Variants in IL1RAPL1 observed in about 807,000 individuals in gnomAD.
IL1RAPL1 encodes the protein interleukin-1 receptor accessory protein-like 1.
A neutral mutation model predicts 48.4 loss-of-function variants in IL1RAPL1; 3 were observed. The observed-to-expected ratio is 0.06, with a 90% CI of 0.03 to 0.16. The LOEUF (loss-of-function observed/expected upper bound fraction) is 0.16, where lower values mean the gene tolerates loss of function less well. IL1RAPL1 is among the 10% of genes least tolerant of loss of function. The probability of loss-of-function intolerance (pLI) is 1.00; values close to 1 mark genes in which losing one functional copy is unlikely to be tolerated. For missense variants in IL1RAPL1, 349 were observed against 530.6 expected (o/e 0.66, Z 3.36); for synonymous variants, 185 against 187.7 (o/e 0.99, Z 0.12).
intron 5 of IL1RAPL1, among the ~76,000 whole-genome samples, chrX:29,539,148 C>T (rs535017598): frequency 9.0e-6 from 1 of 111,396 alleles, no homozygotes; most frequent in East Asian, 2.8e-4. Flanking sequence ...CTAATATAGA[C>T]GCAGAAATCC....
At chrX:29,003,163 G>A (rs1303564105) in intron 2 of IL1RAPL1, among the ~76,000 whole-genome samples, 2 of 111,775 alleles carry the variant, frequency 1.8e-5, no homozygotes, top group Admixed American at 9.5e-5. Context: ...TGCTTGCTAT[G>A]TGCAAAACAA....
intron 6 of IL1RAPL1, among the ~76,000 whole-genome samples, chrX:29,866,220 C>T (rs1931693213): frequency 9.0e-6 from 1 of 111,331 alleles, no homozygotes; most frequent in Non-Finnish European, 1.9e-5. Context: ...TTACCTAATA[C>T]GTCATTCATT....
intron 2 of IL1RAPL1, among the ~76,000 whole-genome samples, chrX:29,180,767 TC>T (rs1008464835): frequency 5.4e-5 from 6 of 111,892 alleles, no homozygotes; most frequent in African/African-American, 2.0e-4. Context: ...TATCAGTTGA[TC>T]CTCATGACCT....
intron 2 of IL1RAPL1, among the ~76,000 whole-genome samples, chrX:29,006,510 G>A (rs1334436450): frequency 2.9e-5 from 3 of 103,457 alleles, no homozygotes; most frequent in Non-Finnish European, 3.9e-5. Flanking sequence ...GCAAAACGCC[G>A]TCTGGAAAAA....
At chrX:29,544,176 T>C (rs1921532583) in intron 5 of IL1RAPL1, among the ~76,000 whole-genome samples, 1 of 111,795 alleles carries the variant, frequency 8.9e-6, no homozygotes, top group South Asian at 3.7e-4. Context: ...TTAAAATCTA[T>C]CCCTGCCAAA....
chrX:29,906,491 A>T (rs866271218), intron 6 of IL1RAPL1, among the ~76,000 whole-genome samples: 6 of 42,825 alleles, frequency 1.4e-4, no homozygotes, highest in African/African-American at 4.2e-4. Context: ...ATATATATAT[A>T]TATATATATA....
At chrX:29,950,786 C>T (rs1035121174) in intron 9 of IL1RAPL1, among the ~76,000 whole-genome samples, 12 of 108,841 alleles carry the variant, frequency 1.1e-4, no homozygotes, top group Non-Finnish European at 2.3e-4. Context: ...ACGCCATTCT[C>T]CTGCCTCAGC....
chrX:28,628,302 A>G (rs1335398416), intron 1 of IL1RAPL1, among the ~76,000 whole-genome samples: 1 of 112,305 alleles, frequency 8.9e-6, no homozygotes, highest in Non-Finnish European at 1.9e-5. Flanking sequence ...ATGTAAGGGC[A>G]GGGGAAATGG....
At chrX:29,042,900 AC>A (rs763784250) in intron 2 of IL1RAPL1, among the ~76,000 whole-genome samples, 2 of 112,298 alleles carry the variant, frequency 1.8e-5, no homozygotes, top group East Asian at 5.6e-4. Flanking sequence ...TGGACTTTCT[AC>A]GAAAATGTAG....
At chrX:29,603,586 A>AC (rs1456643006) in intron 5 of IL1RAPL1, among the ~76,000 whole-genome samples, 1 of 110,095 alleles carries the variant, frequency 9.1e-6, no homozygotes, top group Non-Finnish European at 1.9e-5. Flanking sequence ...TCTTTCCACC[A>AC]CCCCCCACCA....
intron 2 of IL1RAPL1, among the ~76,000 whole-genome samples, chrX:29,068,792 A>G (rs1417629784): frequency 8.9e-6 from 1 of 112,180 alleles, no homozygotes; most frequent in Admixed American, 9.5e-5. Flanking sequence ...TTCAGGCTTC[A>G]TTCTTTAGGC....
intron 6 of IL1RAPL1, among the ~76,000 whole-genome samples, chrX:29,670,877 T>G (rs1926122884): frequency 9.0e-6 from 1 of 111,718 alleles, no homozygotes; most frequent in African/African-American, 3.2e-5. Context: ...ATGGGGAACT[T>G]ATAACCTACT....
chrX:29,786,211 C>T (rs945744916), intron 6 of IL1RAPL1, among the ~76,000 whole-genome samples: 3 of 111,089 alleles, frequency 2.7e-5, no homozygotes, highest in Non-Finnish European at 5.7e-5. Flanking sequence ...AAGTACCTGG[C>T]CTCATCGAAC....
At chrX:29,853,711 G>C (rs1931423894) in intron 6 of IL1RAPL1, among the ~76,000 whole-genome samples, 2 of 111,819 alleles carry the variant, frequency 1.8e-5, no homozygotes, top group Admixed American at 9.5e-5. Flanking sequence ...ATCAATCGCT[G>C]TTCCATATAT....
chrX:29,862,547 G>A (rs1252747686), intron 6 of IL1RAPL1, among the ~76,000 whole-genome samples: 1 of 111,623 alleles, frequency 9.0e-6, no homozygotes, highest in Non-Finnish European at 1.9e-5. Context: ...GAGACCCTCA[G>A]GCCCATCACT....
At chrX:29,608,670 C>CA (rs1390774026) in intron 5 of IL1RAPL1, among the ~76,000 whole-genome samples, 1 of 103,217 alleles carries the variant, frequency 9.7e-6, no homozygotes, top group African/African-American at 3.7e-5. Flanking sequence ...ACTAAAAATA[C>CA]AAAAAATTAG....
intron 6 of IL1RAPL1, among the ~76,000 whole-genome samples, chrX:29,697,381 T>G (rs938493779): frequency 3.6e-5 from 4 of 112,326 alleles, no homozygotes; most frequent in African/African-American, 1.3e-4. Flanking sequence ...AAGGACAAGG[T>G]TTGTATATCT....
In IL1RAPL1 at chrX:28,983,607, A is replaced by G. The variant is rs754684472; in HGVS notation, c.82+194182A>G. Among the ~76,000 whole-genome samples the G allele has an allele frequency of 3.0e-3, 334 of 111,939 alleles. 2 individuals carry two copies. Among genetic ancestry groups the G allele is most frequent in the South Asian group, 0.025 (68 of 2,720 alleles). ...GTCATGGGGGCATTTTTGCCCATCT[A>G]TTTTTATTATATTTTAGTCAATACT... On this transcript the variant is annotated intron_variant, in intron 2 of 10. Transcript: ENST00000378993.
chrX:29,689,681 A>C (rs1415335847), intron 6 of IL1RAPL1, among the ~76,000 whole-genome samples: 3 of 112,371 alleles, frequency 2.7e-5, no homozygotes, highest in African/African-American at 9.7e-5. Flanking sequence ...GGAGAGGCAG[A>C]GATGACAGAA....
Sources: gnomAD v4.1 joint callset for allele counts (sites outside exome capture counted in the v4.1 genomes callset) on GRCh38, gnomAD v4.1.1 for gene constraint, MANE v1.5 for transcripts, NCBI Gene and HGNC (gene_info 2026-07-23, HGNC 2026-07-21) for gene names.